The following ACOX3 variants were observed in gnomAD, a reference collection of about 807,000 sequenced individuals.
ACOX3 encodes peroxisomal acyl-coenzyme A oxidase 3.
In ACOX3, 73 loss-of-function variants were observed where a neutral mutation model predicts 81.5. That is an observed-to-expected ratio of 0.90 (90% CI 0.74 to 1.09). ACOX3 has a LOEUF of 1.09. Among genes scored for constraint, ACOX3 ranks in the 50% least tolerant of loss-of-function variants. ACOX3 has a pLI of 0.00. For missense variants in ACOX3, 947 were observed against 928.0 expected (o/e 1.02, Z -0.27); for synonymous variants, 387 against 375.1 (o/e 1.03, Z -0.37).
the ACOX3 span, among the ~76,000 whole-genome samples, chr4:8,361,030 T>G: frequency 0.011 from 1,604 of 152,310 alleles, 42 homozygotes; most frequent in African/African-American, 0.036. Flanking sequence ...AAAACAGTTT[T>G]ACATGCAAGA....
rs1233409492 is a variant in ACOX3 at position 8,381,634 on chromosome 4, A to G, written c.1538-27T>C. 2 of 1,546,664 alleles carry G rather than the reference A, an allele frequency of 1.3e-6. No individual in the cohort carries two copies. Among genetic ancestry groups the G allele is most frequent in the Admixed American group, 3.4e-5 (2 of 59,640 alleles). ...TTCGGAATGACAAACAGAAGGAGAA[A>G]AAGTAACAATAGAGAACACAGCATT... On this transcript the variant is annotated intron_variant, in intron 13 of 17. Transcript: ENST00000356406. The surrounding 1 kb of genome is among the most constrained non-coding windows in gnomAD (Gnocchi z 4.3).
In ACOX3 at chr4:8,428,112, G is replaced by A. The variant is rs562495981; in HGVS notation, c.-14-11577C>T. Reference sequence around the variant, plus strand: ...GTGAATCACTTCCCTTTCGTGAACAGCTGCCTAGTTCAATGTGTAAAGTCC... The same window carrying A: ...GTGAATCACTTCCCTTTCGTGAACAACTGCCTAGTTCAATGTGTAAAGTCC... On this transcript the variant is annotated intron_variant, in intron 1 of 17. Transcript: ENST00000356406. Among the ~76,000 whole-genome samples, 7 of 152,370 alleles carry A rather than the reference G, an allele frequency of 4.6e-5. No individual in the cohort carries two copies. In the South Asian group the frequency reaches 1.4e-3, roughly 32 times the overall value.
chr4:8,392,008 G>C lies in ACOX3; in HGVS notation c.1300+325C>G, dbSNP rs371332511. 3.3e-5 allele frequency among the ~76,000 whole-genome samples: 5 copies of C among 152,236 alleles called. No individual in the cohort carries two copies. The East Asian group carries it at 7.7e-4, about 23-fold the overall frequency. Reference sequence around the variant, plus strand: ...CTATATTTTGGCCAAGAAGCATCAGGCATCTGAAAGCAGTGGGATCTATCT... The same window carrying C: ...CTATATTTTGGCCAAGAAGCATCAGCCATCTGAAAGCAGTGGGATCTATCT... On this transcript the variant is annotated intron_variant, in intron 11 of 17. Transcript: ENST00000356406.
chr4:8,379,204 A>C (rs755971487), intron 14 of ACOX3, among the ~76,000 whole-genome samples: 30 of 152,222 alleles, frequency 2.0e-4, no homozygotes, highest in Non-Finnish European at 4.1e-4. Flanking sequence ...TCCGGTTCCC[A>C]TCTTCCTGAA....
intron 8 of ACOX3, among the ~76,000 whole-genome samples, chr4:8,398,401 C>T (rs115208993): frequency 0.012 from 1,762 of 152,230 alleles, 37 homozygotes; most frequent in African/African-American, 0.04. Flanking sequence ...CTTTGGTCCT[C>T]CAAGAGTCCC....
intron 13 of ACOX3, among the ~76,000 whole-genome samples, chr4:8,383,694 C>A (rs556063671): frequency 1.3e-5 from 2 of 152,278 alleles, no homozygotes; most frequent in African/African-American, 4.8e-5. Context: ...TGGCAGGCTG[C>A]CCAGGGGTCA....
At chr4:8,390,111 C>A (rs144448238) in intron 11 of ACOX3, among the ~76,000 whole-genome samples, 42,986 of 127,764 alleles carry the variant, frequency 0.34, 10,033 homozygotes, top group African/African-American at 0.65. Context: ...TCAACAACAA[C>A]AACAACAAAA....
Position 8,394,112 on chromosome 4 carries a change from A to C in ACOX3, c.1179+508T>G, listed in dbSNP as rs949512539. 3.3e-5 allele frequency among the ~76,000 whole-genome samples: 5 copies of C among 152,222 alleles called. No individual in the cohort carries two copies. Among genetic ancestry groups the C allele is most frequent in the African/African-American group, 1.2e-4 (5 of 41,452 alleles). On this transcript the variant is annotated intron_variant, in intron 10 of 17. Coordinates refer to ENST00000356406, the MANE Select transcript of ACOX3 (RefSeq NM_003501.3). This position sits in a 1 kb window ranked among gnomAD's most constrained non-coding sequence, Gnocchi z 5.9. ...GATTCACATTTCACTCTTGCTCAGG[A>C]GGCAGCAGGAGGGACAATGGAAAAT...
chr4:8,412,020 T>C (rs138525573), intron 5 of ACOX3, among the ~76,000 whole-genome samples: 1 of 152,290 alleles, frequency 6.6e-6, no homozygotes, highest in Non-Finnish European at 1.5e-5. Context: ...TGGGAAGTGG[T>C]CCTCTGATGC....
chr4:8,429,031 T>G (rs1723786803), intron 1 of ACOX3, among the ~76,000 whole-genome samples: 2 of 152,166 alleles, frequency 1.3e-5, no homozygotes, highest in Non-Finnish European at 2.9e-5. Context: ...TTTACTTGTT[T>G]TTCTTTGTCT....
At chr4:8,377,870 G>A (rs546852220) in intron 14 of ACOX3, among the ~76,000 whole-genome samples, 9 of 152,302 alleles carry the variant, frequency 5.9e-5, no homozygotes, top group African/African-American at 1.9e-4. Flanking sequence ...CCACAGCTAC[G>A]GTTAGGGCTG....
chr4:8,430,034 G>A lies in ACOX3; in HGVS notation c.-15+10614C>T, dbSNP rs1026522495. On this transcript the variant is annotated intron_variant, in intron 1 of 17. Transcript: ENST00000356406. This position sits in a 1 kb window ranked among gnomAD's most constrained non-coding sequence, Gnocchi z 5.2. ...GAGAAAGAGAAGTACAATTTTAAAT[G>A]TGTATCAAGTTTAAGATGTTGGTAG... Among the ~76,000 whole-genome samples the A allele has an allele frequency of 9.9e-5, 15 of 152,214 alleles. No homozygotes were observed. Among genetic ancestry groups the A allele is most frequent in the African/African-American group, 3.4e-4 (14 of 41,448 alleles).
chr4:8,356,552 T>C, the ACOX3 span: 3,199 of 456,286 alleles, frequency 7.0e-3, 42 homozygotes, highest in Middle Eastern at 0.047. Flanking sequence ...GACCCATTTC[T>C]GAAAGGAAAA....
chr4:8,434,201 A>G (rs1357137135), intron 1 of ACOX3, among the ~76,000 whole-genome samples: 3 of 152,164 alleles, frequency 2.0e-5, no homozygotes, highest in African/African-American at 7.2e-5. Flanking sequence ...CACTTGCTCG[A>G]TTTATCACGA....
rs1249351848 is a variant in ACOX3 at position 8,366,303 on chromosome 4, T to A, written c.*658A>T. ...CATGTTACCAATAAAGTGATTTGTA[T>A]ATAACTGGCGGCAGGGGGAGGGGGG... On this transcript the variant is annotated 3_prime_UTR_variant, in exon 18 of 18. Coordinates refer to ENST00000356406, the MANE Select transcript of ACOX3 (RefSeq NM_003501.3). The A allele has an allele frequency of 6.6e-6, 1 of 152,572 alleles. No homozygotes were observed. The highest frequency in any genetic ancestry group is 2.4e-5 in the African/African-American group (1 of 41,406). The allele number at this position is 152,572 out of a possible 1,614,324, so 9.5% of individuals were successfully genotyped here.
At position 8,426,612 on chromosome 4, in the gene ACOX3, T is replaced by C. The variant is rs545630812; in HGVS notation, c.-14-10077A>G. ...TAGCTCCCCTTACCAAGAGCTTCTA[T>C]GGAGAATGCGGCTTCCCAGAAATAT... On this transcript the variant is annotated intron_variant, in intron 1 of 17. Coordinates refer to ENST00000356406, the MANE Select transcript of ACOX3 (RefSeq NM_003501.3). Among the ~76,000 whole-genome samples the C allele has an allele frequency of 3.3e-5, 5 of 150,350 alleles. No individual in the cohort carries two copies. The East Asian group carries it at 1.0e-3, about 30-fold the overall frequency.
At chr4:8,388,449 C>T (rs902995462) in intron 13 of ACOX3, among the ~76,000 whole-genome samples, 1 of 152,264 alleles carries the variant, frequency 6.6e-6, no homozygotes, top group Non-Finnish European at 1.5e-5. Context: ...GGAGAGGGAT[C>T]CCCTGTCAGG....
downstream of ACOX3, among the ~76,000 whole-genome samples, chr4:8,362,881 T>G (rs1715264364): frequency 6.6e-6 from 1 of 152,240 alleles, no homozygotes; most frequent in African/African-American, 2.4e-5. Context: ...AAAGAGCTTA[T>G]GTGAAAAATA....
rs1715506392 is a variant in ACOX3, at chr4:8,366,826, C to T, written c.*135G>A. The T allele has an allele frequency of 7.7e-7, 1 of 1,305,866 alleles. No homozygotes were observed. Among genetic ancestry groups the T allele is most frequent in the Non-Finnish European group, 1.1e-6 (1 of 952,186 alleles). The allele number at this position is 1,305,866 out of a possible 1,614,324, so 80.9% of individuals were successfully genotyped here. ...GTCCGCCTGGGCAGTTGAGGCCAAT[C>T]AGCAGTTTAGGCGCACAGGTGCGGG... On this transcript the variant is annotated 3_prime_UTR_variant, in exon 18 of 18. Coordinates refer to ENST00000356406, the MANE Select transcript of ACOX3 (RefSeq NM_003501.3).
Sources: gnomAD v4.1 joint callset for allele counts (sites outside exome capture counted in the v4.1 genomes callset) on GRCh38, gnomAD v4.1.1 for gene constraint, Gnocchi (gnomAD v3.1) non-coding constraint, MANE v1.5 for transcripts, NCBI Gene and HGNC (gene_info 2026-07-23, HGNC 2026-07-21) for gene names.